Variants in PRPF6 observed in about 807,000 individuals in gnomAD.
PRPF6 encodes the protein pre-mRNA processing factor 6, also known as pre-mRNA-processing factor 6.
Under a neutral mutation model 118.3 loss-of-function variants are expected in PRPF6, and 42 were observed. That is an observed-to-expected ratio of 0.35 (90% CI 0.28 to 0.46). The LOEUF (loss-of-function observed/expected upper bound fraction) is 0.46. Among genes scored for constraint, PRPF6 ranks in the 20% least tolerant of loss-of-function variants. The probability of loss-of-function intolerance (pLI) is 1.00; values close to 1 mark genes in which losing one functional copy is unlikely to be tolerated. For missense variants in PRPF6, 662 were observed against 1,255.7 expected (o/e 0.53, Z 7.15); for synonymous variants, 481 against 485.1 (o/e 0.99, Z 0.11).
intron 6 of PRPF6, among the ~76,000 whole-genome samples, chr20:63,998,094 A>G (rs1473128031): frequency 6.6e-6 from 1 of 151,918 alleles, no homozygotes; most frequent in East Asian, 1.9e-4. Context: ...TTTAATAAAA[A>G]TTTTATTTAT....
At chr20:64,016,217 G>C (rs1294773342) in intron 11 of PRPF6, among the ~76,000 whole-genome samples, 1 of 151,918 alleles carries the variant, frequency 6.6e-6, no homozygotes, top group African/African-American at 2.4e-5. Context: ...CGCCTCCCGG[G>C]TTCAAGTGAT....
rs1278985213 is a variant in PRPF6, at chr20:63,982,943, C to G, written c.72-104C>G. Reference sequence around the variant, plus strand: ...GTCACCAGGATCTTTGGAGGTTTCCCAAAGGTGTTAGAAAAAGAGGTGTTA... The same window carrying G: ...GTCACCAGGATCTTTGGAGGTTTCCGAAAGGTGTTAGAAAAAGAGGTGTTA... On this transcript the variant is annotated intron_variant, in intron 1 of 20. Transcript: ENST00000266079. 3.8e-5 allele frequency: 53 copies of G among 1,377,552 alleles called. No individual in the cohort carries two copies. In the East Asian group the frequency reaches 1.3e-3, roughly 33 times the overall value. 85.3% of individuals were successfully genotyped at this position (1,377,552 alleles called of 1,614,324 possible).
chr20:64,015,005 G>A (rs771717726), intron 11 of PRPF6, among the ~76,000 whole-genome samples: 6 of 152,138 alleles, frequency 3.9e-5, no homozygotes, highest in Non-Finnish European at 5.9e-5. Context: ...GTAGCATGGA[G>A]GTATTGAAAT....
intron 6 of PRPF6, among the ~76,000 whole-genome samples, chr20:63,995,866 A>G (rs1257227065): frequency 1.3e-5 from 2 of 152,006 alleles, no homozygotes; most frequent in African/African-American, 2.4e-5. Context: ...CATGTTGGCC[A>G]GGCTGGTCTT....
At chr20:64,004,993 A>AC (rs978402528) in intron 9 of PRPF6, among the ~76,000 whole-genome samples, 2 of 151,742 alleles carry the variant, frequency 1.3e-5, no homozygotes, top group African/African-American at 4.8e-5. Context: ...CAGTCACGTG[A>AC]CCCCCGGAGA....
At chr20:64,018,631 A>G (rs146234968) in intron 12 of PRPF6, among the ~76,000 whole-genome samples, 1 of 151,888 alleles carries the variant, frequency 6.6e-6, no homozygotes, top group African/African-American at 2.4e-5. Context: ...CTTTTTTTAT[A>G]TATTAAATTT....
intron 3 of PRPF6, among the ~76,000 whole-genome samples, chr20:63,991,809 T>C (rs1336270363): frequency 1.3e-5 from 2 of 151,792 alleles, no homozygotes; most frequent in Non-Finnish European, 2.9e-5. Flanking sequence ...AAAAGTAGTG[T>C]ACTTATTAAA....
chr20:63,992,882 T>C (rs911379259), intron 3 of PRPF6, among the ~76,000 whole-genome samples: 1 of 151,926 alleles, frequency 6.6e-6, no homozygotes, highest in Non-Finnish European at 1.5e-5. Flanking sequence ...AGGTGTGTGC[T>C]ACCATGCCCA....
chr20:64,006,696 C>T (rs1006706980), intron 9 of PRPF6, among the ~76,000 whole-genome samples: 2 of 152,170 alleles, frequency 1.3e-5, no homozygotes, highest in Non-Finnish European at 2.9e-5. Flanking sequence ...GGACTTGTGG[C>T]AGCGGAGATG....
Position 64,026,088 on chromosome 20 carries a change from C to G in PRPF6, c.2028+30C>G. ...GCAGTGGCAGGCAGGGCTGGGCCGT[C>G]TGGGGTGCATGGTGTGCACATGCGG... On this transcript the variant is annotated intron_variant, in intron 15 of 20. Transcript: ENST00000266079. This position sits in a 1 kb window ranked among gnomAD's most constrained non-coding sequence, Gnocchi z 4.4. 1 of 1,598,570 alleles carries G rather than the reference C, an allele frequency of 6.3e-7. No homozygotes were observed. Among genetic ancestry groups the G allele is most frequent in the Admixed American group, 1.7e-5 (1 of 59,952 alleles).
intron 4 of PRPF6, 143 bp downstream of exon 4, chr20:63,993,628 GC>G: frequency 1.4e-6 from 1 of 712,390 alleles, no homozygotes; most frequent in Middle Eastern, 2.6e-4. Context: ...GAAAGTGTTT[GC>G]TTCAGTATGT....
chr20:64,010,174 G>C (rs200108211), intron 9 of PRPF6, 26 bp from the exon 10 acceptor site: 2 of 1,584,108 alleles, frequency 1.3e-6, no homozygotes, highest in Admixed American at 3.3e-5. Flanking sequence ...TTTCTGTGAC[G>C]TGGTTTCTCG....
rs1205120711 is a variant in PRPF6 at position 64,027,459 on chromosome 20, A to G, written c.2206-144A>G. On this transcript the variant is annotated intron_variant, in intron 16 of 20. Transcript: ENST00000266079. This position sits in a 1 kb window ranked among gnomAD's most constrained non-coding sequence, Gnocchi z 6.5. ...ACCACCGCACACCTGTACACCCACA[A>G]ATGCAGAGTGTGAGGGGTGTTTTTC... 5.6e-6 allele frequency: 7 copies of G among 1,239,458 alleles called. No homozygotes were observed. In the East Asian group the frequency reaches 7.0e-5, roughly 12 times the overall value. 76.8% of individuals were successfully genotyped at this position (1,239,458 alleles called of 1,614,324 possible). A position where few individuals can be genotyped will look rare whatever the true frequency, so the allele number is the denominator to read the frequency against.
chr20:63,999,847 CT>C, intron 8 of PRPF6, 88 bp downstream of exon 8: 1 of 1,510,110 alleles, frequency 6.6e-7, no homozygotes, highest in Non-Finnish European at 9.0e-7. Flanking sequence ...ATCTCTTTGT[CT>C]TTTGGTATTG....
At chr20:63,983,280 G>A (rs2059079180) in intron 2 of PRPF6, 65 bp downstream of exon 2, 3 of 1,595,832 alleles carry the variant, frequency 1.9e-6, no homozygotes, top group African/African-American at 1.3e-5. Flanking sequence ...CCTAACCAGT[G>A]TGTGTTGGTG....
At chr20:63,984,010 A>T (rs2122970912) in intron 2 of PRPF6, among the ~76,000 whole-genome samples, 1 of 152,230 alleles carries the variant, frequency 6.6e-6, no homozygotes, top group South Asian at 2.1e-4. Flanking sequence ...TGCTTTTTTT[A>T]GCTTTAGTGA....
intron 9 of PRPF6, among the ~76,000 whole-genome samples, chr20:64,009,440 AG>A (rs1170794409): frequency 3.3e-5 from 5 of 152,154 alleles, no homozygotes; most frequent in Non-Finnish European, 7.4e-5. Flanking sequence ...GAGCATTTCC[AG>A]GGTGGGCACC....
intron 3 of PRPF6, among the ~76,000 whole-genome samples, 165 bp from the exon 4 acceptor site, chr20:63,993,226 ATGTGTGTGTGTGTGTG>A (rs61077852): frequency 2.3e-3 from 293 of 129,334 alleles, no homozygotes; most frequent in Admixed American, 4.1e-3. Context: ...AAAAAAAAAA[ATGTGTGTGTGTGTGTG>A]TGTGTGTGTG....
At chr20:64,021,694 G>A (rs1007886828) in intron 12 of PRPF6, among the ~76,000 whole-genome samples, 5 of 149,946 alleles carry the variant, frequency 3.3e-5, no homozygotes, top group Non-Finnish European at 7.4e-5. Flanking sequence ...GCGTGTGTGT[G>A]CACGTATGCA....
Sources: gnomAD v4.1 joint callset for allele counts (sites outside exome capture counted in the v4.1 genomes callset) on GRCh38, gnomAD v4.1.1 for gene constraint, Gnocchi (gnomAD v3.1) non-coding constraint, MANE v1.5 for transcripts, NCBI Gene and HGNC (gene_info 2026-07-23, HGNC 2026-07-21) for gene names.